ELL2: variants seen among roughly 807,000 people sequenced by gnomAD.
ELL2 encodes RNA polymerase II elongation factor ELL2.
ELL2 carries 21 observed loss-of-function variants against 72.8 expected under a neutral mutation model. That is an observed-to-expected ratio of 0.29 (90% CI 0.20 to 0.42). ELL2 has a LOEUF of 0.42. ELL2 is among the 10% of genes least tolerant of loss of function. The pLI, the probability that ELL2 is intolerant of heterozygous loss-of-function variation, is 1.00. For synonymous variants in ELL2, 266 were observed against 283.2 expected (o/e 0.94, Z 0.61); for missense variants, 568 against 772.8 (o/e 0.73, Z 3.14).
chr5:95,950,941 TATATATA>T lies in ELL2; in HGVS notation c.148-7899_148-7893del, dbSNP rs1561515482. Reference sequence around the variant, plus strand: ...ATATATATATATATATATATATATATATATATATATATAAAATCTTCATATATATGGT... The same window carrying T: ...ATATATATATATATATATATATATATTATATAAAATCTTCATATATATGGT... On this transcript the variant is annotated intron_variant, in intron 1 of 11. Transcript: ENST00000237853. 4.4e-3 allele frequency among the ~76,000 whole-genome samples: 477 copies of T among 109,290 alleles called. 13 individuals carry two copies. The East Asian group carries it at 0.082, about 19-fold the overall frequency. The allele number at this position is 109,290 out of a possible 152,430, so 71.7% of individuals were successfully genotyped here. A position where few individuals can be genotyped will look rare whatever the true frequency, so the allele number is the denominator to read the frequency against.
At chr5:95,961,412 G>C (rs1202077331) in intron 1 of ELL2, among the ~76,000 whole-genome samples, 163 bp downstream of exon 1, 1 of 151,628 alleles carries the variant, frequency 6.6e-6, no homozygotes, top group African/African-American at 2.4e-5. Flanking sequence ...GCCCGGGACC[G>C]CGGCGTCAGC....
chr5:95,910,840 T>G (rs1016851413), intron 4 of ELL2, among the ~76,000 whole-genome samples: 4 of 152,234 alleles, frequency 2.6e-5, no homozygotes, highest in African/African-American at 9.7e-5. Context: ...TCATTTTATG[T>G]GATATAGTCT....
rs1561485251 is a variant in ELL2 at position 95,887,217 on chromosome 5, G to T, written c.*1654C>A. 1 of 152,126 alleles carries T rather than the reference G, an allele frequency of 6.6e-6. No individual in the cohort carries two copies. The highest frequency in any genetic ancestry group is 1.5e-5 in the Non-Finnish European group (1 of 68,010). The allele number at this position is 152,126 out of a possible 1,614,324, so 9.4% of individuals were successfully genotyped here. On this transcript the variant is annotated 3_prime_UTR_variant, in exon 12 of 12. Coordinates refer to ENST00000237853, the MANE Select transcript of ELL2 (RefSeq NM_012081.6). ...TAGAGTTGTAGTGCAAAAGGGACTT[G>T]TTTCAGTCTTTGTATAGTCTGTATA...
chr5:95,929,568 C>G (rs557140307), intron 2 of ELL2, among the ~76,000 whole-genome samples: 83 of 152,116 alleles, frequency 5.5e-4, no homozygotes, highest in Middle Eastern at 6.8e-3. Context: ...GTCTTACCCA[C>G]TTTTATATAT....
rs1405741807 is a variant in ELL2 at position 95,950,933 on chromosome 5, T to C, written c.148-7884A>G. Among the ~76,000 whole-genome samples, 228 of 123,836 alleles carry C rather than the reference T, an allele frequency of 1.8e-3. 10 individuals are homozygous for C. Among genetic ancestry groups the C allele is most frequent in the African/African-American group, 6.6e-3 (206 of 31,152 alleles). The allele number at this position is 123,836 out of a possible 152,430, so 81.2% of individuals were successfully genotyped here. On this transcript the variant is annotated intron_variant, in intron 1 of 11. Transcript: ENST00000237853. The stretch of plus-strand genomic sequence containing the variant: ...ATATATATATATATATATATATATA[T>C]ATATATATATATATATATATAAAAT...
At chr5:95,901,374 ATTATT>A (rs905730530) in intron 5 of ELL2, among the ~76,000 whole-genome samples, 5 of 152,238 alleles carry the variant, frequency 3.3e-5, no homozygotes, top group Non-Finnish European at 4.4e-5. Flanking sequence ...AAAAAAATCA[ATTATT>A]TTAGTCAAAG....
At chr5:95,909,890 G>A (rs966361375) in intron 4 of ELL2, among the ~76,000 whole-genome samples, 5 of 152,246 alleles carry the variant, frequency 3.3e-5, no homozygotes, top group Non-Finnish European at 7.4e-5. Flanking sequence ...AGACAGAAGG[G>A]ACTGCAGCCA....
chr5:95,929,373 C>A (rs1323538509), intron 2 of ELL2, among the ~76,000 whole-genome samples: 1 of 151,994 alleles, frequency 6.6e-6, no homozygotes, highest in Admixed American at 6.6e-5. Context: ...ATTCTCCTGC[C>A]TCAGCCTCCC....
At chr5:95,914,807 T>A (rs1201888379) in intron 3 of ELL2, among the ~76,000 whole-genome samples, 1 of 152,134 alleles carries the variant, frequency 6.6e-6, no homozygotes, top group African/African-American at 2.4e-5. Flanking sequence ...ATGGCGCCAC[T>A]GCACTCCAGC....
In ELL2 at chr5:95,889,203, C is replaced by T; in HGVS notation, c.1762-73G>A. On this transcript the variant is annotated intron_variant, in intron 10 of 11. Coordinates refer to ENST00000237853, the MANE Select transcript of ELL2 (RefSeq NM_012081.6). ...TGTGGCAATACAAATAGATAACATG[C>T]ATTCAGCAAGAGTATAGGAAATATT... is the stretch of plus-strand genomic sequence containing the variant. 5.1e-6 allele frequency: 6 copies of T among 1,176,064 alleles called. No homozygotes were observed. In the South Asian group the frequency reaches 5.4e-5, roughly 11 times the overall value. The allele number at this position is 1,176,064 out of a possible 1,614,324, so 72.9% of individuals were successfully genotyped here.
At chr5:95,956,960 A>G (rs910269331) in intron 1 of ELL2, among the ~76,000 whole-genome samples, 28 of 152,234 alleles carry the variant, frequency 1.8e-4, no homozygotes, top group African/African-American at 6.3e-4. Context: ...AATGGAGTTG[A>G]CAAGAGAAAG....
chr5:95,915,364 T>G (rs892484622), intron 3 of ELL2, among the ~76,000 whole-genome samples: 24 of 152,374 alleles, frequency 1.6e-4, no homozygotes, highest in African/African-American at 5.5e-4. Context: ...CCTCCCAAAG[T>G]GCTGGGATTA....
chr5:95,945,926 A>C (rs1018250348), intron 1 of ELL2, among the ~76,000 whole-genome samples: 134 of 152,322 alleles, frequency 8.8e-4, no homozygotes, highest in Non-Finnish European at 2.1e-4. Context: ...TAGGGCAATA[A>C]TTTAAGTTTC....
At chr5:95,936,281 G>T (rs1287240371) in intron 2 of ELL2, among the ~76,000 whole-genome samples, 1 of 152,164 alleles carries the variant, frequency 6.6e-6, no homozygotes, top group Non-Finnish European at 1.5e-5. Flanking sequence ...GAAATTGATG[G>T]AAGTCATGAA....
At chr5:95,907,476 G>A (rs1749419864) in intron 4 of ELL2, among the ~76,000 whole-genome samples, 1 of 151,730 alleles carries the variant, frequency 6.6e-6, no homozygotes, top group Admixed American at 6.6e-5. Context: ...TTCTCACATG[G>A]GCCAGTGCTG....
chr5:95,952,175 C>T (rs1366937765), intron 1 of ELL2, among the ~76,000 whole-genome samples: 2 of 152,104 alleles, frequency 1.3e-5, no homozygotes, highest in Admixed American at 1.3e-4. Context: ...GAGCTGGAGG[C>T]CATTACCCTA....
chr5:95,911,364 A>C (rs1307799786), intron 4 of ELL2, among the ~76,000 whole-genome samples: 2 of 148,926 alleles, frequency 1.3e-5, no homozygotes, highest in East Asian at 2.0e-4. Flanking sequence ...TTTGAGACGG[A>C]GTCTCGCTCT....
At chr5:95,917,085 T>C (rs1485048119) in intron 3 of ELL2, among the ~76,000 whole-genome samples, 3 of 152,216 alleles carry the variant, frequency 2.0e-5, no homozygotes, top group Non-Finnish European at 4.4e-5. Context: ...TTTAGACAAA[T>C]GTATATAAAT....
At chr5:95,947,784 C>T (rs1226696271) in intron 1 of ELL2, among the ~76,000 whole-genome samples, 1 of 151,774 alleles carries the variant, frequency 6.6e-6, no homozygotes, top group African/African-American at 2.4e-5. Flanking sequence ...ATTTTGTTTC[C>T]AAGGAAAATG....
Sources: allele counts gnomAD v4.1 joint callset (sites outside exome capture counted in the v4.1 genomes callset), GRCh38; gene constraint gnomAD v4.1.1; transcripts MANE v1.5; gene names NCBI Gene and HGNC (gene_info 2026-07-23, HGNC 2026-07-21).